Variants in RFX3 observed in about 807,000 individuals in gnomAD.
RFX3 encodes the protein transcription factor RFX3.
Under a neutral mutation model 98.6 loss-of-function variants are expected in RFX3, and 14 were observed. The observed-to-expected ratio is 0.14, with a 90% CI of 0.09 to 0.22. RFX3 has a LOEUF of 0.22. Among genes scored for constraint, RFX3 ranks in the 10% least tolerant of loss-of-function variants. The probability of loss-of-function intolerance (pLI) is 1.00; values close to 1 mark genes in which losing one functional copy is unlikely to be tolerated. For missense variants in RFX3, 639 were observed against 926.9 expected (o/e 0.69, Z 4.03); for synonymous variants, 383 against 328.4 (o/e 1.17, Z -1.80).
chr9:3,371,676 A>G (rs1455492086), intron 2 of RFX3, among the ~76,000 whole-genome samples: 1 of 152,226 alleles, frequency 6.6e-6, no homozygotes, highest in African/African-American at 2.4e-5. Context: ...GAAGTCCAAG[A>G]AAGAGTAACA....
Position 3,346,784 on chromosome 9 carries a change from A to T in RFX3, c.118-20T>A. On this transcript the variant is annotated intron_variant, in intron 2 of 16. Transcript: ENST00000617270. ...CTGTACCTGAAAAACAAGTATTAGG[A>T]CCTTGGTAAGAGGTAGGTATGATAG... 1 of 1,520,354 alleles carries T rather than the reference A, an allele frequency of 6.6e-7. No homozygotes were observed. Among genetic ancestry groups the T allele is most frequent in the Non-Finnish European group, 9.1e-7 (1 of 1,094,644 alleles). 94.2% of individuals were successfully genotyped at this position (1,520,354 alleles called of 1,614,324 possible). A position where few individuals can be genotyped will look rare whatever the true frequency, so the allele number is the denominator to read the frequency against.
chr9:3,425,140 A>C (rs1267970290), intron 1 of RFX3, among the ~76,000 whole-genome samples: 1 of 152,200 alleles, frequency 6.6e-6, no homozygotes, highest in African/African-American at 2.4e-5. Flanking sequence ...TGGGAGGCTA[A>C]AGTGGGAAGA....
At chr9:3,262,874 T>A in intron 13 of RFX3, 61 bp downstream of exon 13, 1 of 1,534,706 alleles carries the variant, frequency 6.5e-7, no homozygotes, top group East Asian at 2.3e-5. Context: ...ATGATCCCAA[T>A]TAAGAAGAAC....
At chr9:3,446,744 G>T (rs746115816) in intron 1 of RFX3, among the ~76,000 whole-genome samples, 2 of 151,912 alleles carry the variant, frequency 1.3e-5, no homozygotes, top group East Asian at 3.8e-4. Flanking sequence ...TTAATAAATT[G>T]GAGTAACGTA....
intron 2 of RFX3, among the ~76,000 whole-genome samples, chr9:3,392,968 G>C (rs1241441346): frequency 7.0e-6 from 1 of 143,742 alleles, no homozygotes; most frequent in African/African-American, 2.6e-5. Flanking sequence ...ATAACTTATA[G>C]GTTGAGACAT....
At chr9:3,411,551 G>A (rs549721187) in intron 1 of RFX3, among the ~76,000 whole-genome samples, 13 of 151,874 alleles carry the variant, frequency 8.6e-5, no homozygotes, top group Admixed American at 5.2e-4. Context: ...GTTTCAGCCC[G>A]GGAAGCCTCC....
chr9:3,431,448 T>A (rs566710802), intron 1 of RFX3, among the ~76,000 whole-genome samples: 2 of 152,094 alleles, frequency 1.3e-5, no homozygotes, highest in Non-Finnish European at 2.9e-5. Flanking sequence ...GAACACAGCA[T>A]AAGAATGATT....
intron 15 of RFX3, among the ~76,000 whole-genome samples, chr9:3,236,732 T>C (rs991440946): frequency 6.6e-6 from 1 of 152,218 alleles, no homozygotes; most frequent in Admixed American, 6.5e-5. Flanking sequence ...GGGAACATGA[T>C]AATCAGCAAC....
At chr9:3,501,432 A>T (rs1473073279) in intron 1 of RFX3, among the ~76,000 whole-genome samples, 3 of 152,136 alleles carry the variant, frequency 2.0e-5, no homozygotes, top group Non-Finnish European at 2.9e-5. Context: ...CGAGGGCCAT[A>T]AAAATATTAT....
At chr9:3,445,976 T>C (rs1244862522) in intron 1 of RFX3, among the ~76,000 whole-genome samples, 1 of 152,138 alleles carries the variant, frequency 6.6e-6, no homozygotes, top group African/African-American at 2.4e-5. Context: ...TACCTCCTTT[T>C]ACATGTACAC....
rs1817356106 is a variant in RFX3 at position 3,221,853 on chromosome 9, T to G, written c.*3189A>C. 6.6e-6 allele frequency: 1 copy of G among 152,182 alleles called. No individual in the cohort carries two copies. 9.4% of individuals were successfully genotyped at this position (152,182 alleles called of 1,614,324 possible). ...TTGAAAACAGTCAACATACCTTCCT[T>G]ACATTCTTCCTCACTGAAAGTGTAG... On this transcript the variant is annotated 3_prime_UTR_variant, in exon 17 of 17. Transcript: ENST00000617270.
At chr9:3,278,620 A>C (rs1049357168) in intron 7 of RFX3, among the ~76,000 whole-genome samples, 2 of 151,878 alleles carry the variant, frequency 1.3e-5, no homozygotes, top group African/African-American at 4.8e-5. Flanking sequence ...GCTGACAACA[A>C]ATATGAAGTC....
chr9:3,384,156 T>C (rs1314144021), intron 2 of RFX3, among the ~76,000 whole-genome samples: 3 of 152,142 alleles, frequency 2.0e-5, no homozygotes, highest in Admixed American at 2.0e-4. Flanking sequence ...GGAAACTAAG[T>C]GAGCAAGGCC....
intron 3 of RFX3, among the ~76,000 whole-genome samples, chr9:3,337,012 G>C (rs1387119112): frequency 6.6e-6 from 1 of 152,142 alleles, no homozygotes; most frequent in African/African-American, 2.4e-5. Flanking sequence ...AAGCTTAAAA[G>C]CCACTGTTAC....
intron 15 of RFX3, among the ~76,000 whole-genome samples, chr9:3,238,114 C>G (rs576766013): frequency 6.6e-6 from 1 of 152,308 alleles, no homozygotes; most frequent in East Asian, 1.9e-4. Flanking sequence ...AGTGCTTCTA[C>G]CGTGTCACAT....
intron 15 of RFX3, among the ~76,000 whole-genome samples, chr9:3,244,568 C>T (rs1563791238): frequency 6.6e-6 from 1 of 152,138 alleles, no homozygotes; most frequent in Non-Finnish European, 1.5e-5. Context: ...GTGCTCTCAC[C>T]CACCTCTGTC....
chr9:3,485,776 C>A (rs1370209440), intron 1 of RFX3, among the ~76,000 whole-genome samples: 2 of 152,044 alleles, frequency 1.3e-5, no homozygotes, highest in African/African-American at 2.4e-5. Flanking sequence ...CATTTCCAAG[C>A]AATTAGCATC....
chr9:3,520,821 C>G (rs913439578), intron 1 of RFX3, among the ~76,000 whole-genome samples: 1 of 152,086 alleles, frequency 6.6e-6, no homozygotes, highest in Non-Finnish European at 1.5e-5. Flanking sequence ...ACTACAGGCA[C>G]GCACCGGCAA....
intron 2 of RFX3, among the ~76,000 whole-genome samples, chr9:3,356,502 G>A (rs1364355776): frequency 6.6e-6 from 1 of 151,778 alleles, no homozygotes; most frequent in African/African-American, 2.4e-5. Flanking sequence ...TCCCGCAGAG[G>A]AAACTCCAGG....
Sources: gnomAD v4.1 joint callset for allele counts (sites outside exome capture counted in the v4.1 genomes callset) on GRCh38, gnomAD v4.1.1 for gene constraint, MANE v1.5 for transcripts, NCBI Gene and HGNC (gene_info 2026-07-23, HGNC 2026-07-21) for gene names.